The following HDAC8 variants were observed in gnomAD, a reference collection of about 807,000 sequenced individuals.
HDAC8 encodes the protein histone deacetylase-like 1.
HDAC8 carries 1 observed loss-of-function variant against 32.2 expected under a neutral mutation model. That is an observed-to-expected ratio of 0.03 (90% CI 0.01 to 0.15). The LOEUF (loss-of-function observed/expected upper bound fraction) is 0.15, where lower values mean the gene tolerates loss of function less well. HDAC8 is among the 10% of genes least tolerant of loss of function. The pLI is 1.00. For missense variants in HDAC8, 117 were observed against 300.0 expected (o/e 0.39, Z 4.51); for synonymous variants, 108 against 113.9 (o/e 0.95, Z 0.33).
chrX:72,376,009 T>C (rs1555957936), intron 9 of HDAC8, among the ~76,000 whole-genome samples: 1 of 112,268 alleles, frequency 8.9e-6, no homozygotes, highest in Non-Finnish European at 1.9e-5. Flanking sequence ...TGTGTCTTTC[T>C]AGGAATATTT....
intron 4 of HDAC8, among the ~76,000 whole-genome samples, chrX:72,532,754 C>T (rs12007945): frequency 0.1 from 11,464 of 110,651 alleles, 1,406 homozygotes; most frequent in African/African-American, 0.35. Context: ...GAGTTCTATA[C>T]ACATATATTC....
intron 4 of HDAC8, among the ~76,000 whole-genome samples, chrX:72,501,887 A>G (rs782808529): frequency 1.3e-4 from 15 of 112,535 alleles, no homozygotes; most frequent in Non-Finnish European, 2.1e-4. Context: ...CAAAGGTCTA[A>G]TATCCAGCAT....
chrX:72,480,449 C>T (rs782714897), intron 7 of HDAC8: 7 of 327,671 alleles, frequency 2.1e-5, no homozygotes, highest in Non-Finnish European at 3.5e-5. Flanking sequence ...AATGCTTTTA[C>T]ACTGTTGGTG....
intron 9 of HDAC8, among the ~76,000 whole-genome samples, chrX:72,361,022 G>A (rs1244826903): frequency 2.7e-5 from 3 of 111,636 alleles, no homozygotes; most frequent in Admixed American, 1.9e-4. Context: ...CAACCAAAAG[G>A]TCAGGGAGAT....
rs782770400 is a variant in HDAC8, at chrX:72,447,750, CA to C, written c.1005+14253del. Among the ~76,000 whole-genome samples, 4 of 112,218 alleles carry C rather than the reference CA, an allele frequency of 3.6e-5. No homozygotes were observed. The East Asian group carries it at 1.1e-3, about 31-fold the overall frequency. On this transcript the variant is annotated intron_variant, in intron 9 of 10. Transcript: ENST00000373573. ...GCAACTTCAGCAAAGTCTCAGGATA[CA>C]AAATCAATGTGCAAAATTCACAAGC...
intron 7 of HDAC8, among the ~76,000 whole-genome samples, chrX:72,470,665 C>A (rs1044641953): frequency 1.8e-5 from 2 of 111,211 alleles, no homozygotes; most frequent in African/African-American, 3.3e-5. Flanking sequence ...TCTTACTGCT[C>A]TCCTGAAATT....
intron 9 of HDAC8, among the ~76,000 whole-genome samples, chrX:72,432,242 G>A (rs2046839705): frequency 1.8e-5 from 2 of 110,812 alleles, no homozygotes; most frequent in African/African-American, 6.6e-5. Context: ...CCAAAGTGTT[G>A]GGATTACAGG....
chrX:72,329,546 A>G lies in HDAC8; in HGVS notation c.*508T>C, dbSNP rs781790808. The G allele has an allele frequency of 2.5e-4, 169 of 688,871 alleles. No homozygotes were observed. Among genetic ancestry groups the G allele is most frequent in the Middle Eastern group, 1.8e-3 (6 of 3,250 alleles). 56.8% of individuals were successfully genotyped at this position (688,871 alleles called of 1,213,427 possible). The stretch of plus-strand genomic sequence containing the variant: ...TTTCAAAGATTTTATTAAAAAAACC[A>G]AAGATATATAACACTAAAACAACAC... On this transcript the variant is annotated 3_prime_UTR_variant, in exon 11 of 11. Transcript: ENST00000373573.
At position 72,374,374 on chromosome X, in the gene HDAC8, T is replaced by C. The variant is rs2044985963; in HGVS notation, c.1006-22536A>G. On this transcript the variant is annotated intron_variant, in intron 9 of 10. Coordinates refer to ENST00000373573, the MANE Select transcript of HDAC8 (RefSeq NM_018486.3). ...CCTGCTAGGTGAGTACTAAGGGTTT[T>C]AAAAATGTATTCTGAGCCTGGGTGC... Among the ~76,000 whole-genome samples the C allele has an allele frequency of 9.9e-5, 11 of 111,308 alleles. No individual in the cohort carries two copies. In the Admixed American group the frequency reaches 1.0e-3, roughly 11 times the overall value.
chrX:72,464,708 G>A lies in HDAC8; in HGVS notation c.761C>T (p.Ala254Val). The change falls in exon 8 of 11, where the codon GCC (alanine) becomes GTC (valine). Residue 254 changes from alanine to valine, a missense_variant. Ala to Val is a moderately conservative substitution (Grantham distance 64, BLOSUM62 0). This residue lies in a region of HDAC8 where 57 missense variants were observed against 182.0 expected (regional missense o/e 0.31). Coordinates refer to ENST00000373573, the MANE Select transcript of HDAC8 (RefSeq NM_018486.3). ...TAAGACCACTGCTTTGGGATTAAAGGCTTGGTATACTTCCTTTAGTACACT... is the reference window on the plus strand; with the variant it reads ...TAAGACCACTGCTTTGGGATTAAAGACTTGGTATACTTCCTTTAGTACACT... The part of the protein sequence containing the change: ...CESVLKEVYQ[A>V]FNPKAVVLQL... The A allele has an allele frequency of 8.3e-7, 1 of 1,203,320 alleles. No homozygotes were observed. Among genetic ancestry groups the A allele is most frequent in the Non-Finnish European group, 1.1e-6 (1 of 887,943 alleles).
At chrX:72,407,866 T>C (rs2147890687) in intron 9 of HDAC8, among the ~76,000 whole-genome samples, 1 of 112,495 alleles carries the variant, frequency 8.9e-6, no homozygotes, top group African/African-American at 3.2e-5. Flanking sequence ...AAGACTCTTT[T>C]AATATATCAG....
At chrX:72,560,419 C>T (rs782473989) in intron 4 of HDAC8, among the ~76,000 whole-genome samples, 26 of 108,916 alleles carry the variant, frequency 2.4e-4, no homozygotes, top group African/African-American at 8.7e-4. Context: ...GGGACACAAA[C>T]ACTGTGGAAG....
At chrX:72,516,128 A>G (rs1281420286) in intron 4 of HDAC8, among the ~76,000 whole-genome samples, 1 of 112,220 alleles carries the variant, frequency 8.9e-6, no homozygotes, top group Non-Finnish European at 1.9e-5. Flanking sequence ...GATGTAAACT[A>G]TCTTTTAGTC....
chrX:72,382,937 A>T (rs1289297919), intron 9 of HDAC8, among the ~76,000 whole-genome samples: 1 of 111,790 alleles, frequency 8.9e-6, no homozygotes, highest in Non-Finnish European at 1.9e-5. Context: ...TTATTAGATG[A>T]TTTTTCCCTC....
intron 4 of HDAC8, among the ~76,000 whole-genome samples, chrX:72,552,775 T>C (rs1316712252): frequency 9.8e-6 from 1 of 101,697 alleles, no homozygotes. Flanking sequence ...AACTCTTGTC[T>C]TAGAAAAAAA....
chrX:72,459,627 A>C (rs1412735330), intron 9 of HDAC8, among the ~76,000 whole-genome samples: 1 of 110,186 alleles, frequency 9.1e-6, no homozygotes, highest in Non-Finnish European at 1.9e-5. Flanking sequence ...CTCCACAGTC[A>C]CTCTTCCTAC....
chrX:72,340,190 T>C (rs2043849473), intron 10 of HDAC8, among the ~76,000 whole-genome samples: 1 of 111,843 alleles, frequency 8.9e-6, no homozygotes, highest in African/African-American at 3.3e-5. Context: ...TGTGGAAGGA[T>C]GGGCGCAAGT....
intron 4 of HDAC8, among the ~76,000 whole-genome samples, chrX:72,542,049 T>C (rs997773377): frequency 5.4e-5 from 6 of 112,061 alleles, no homozygotes; most frequent in Non-Finnish European, 1.1e-4. Flanking sequence ...TTTTGACATA[T>C]CCCTTCTCTT....
At chrX:72,496,249 T>C (rs1556012996) in intron 4 of HDAC8, among the ~76,000 whole-genome samples, 1 of 111,041 alleles carries the variant, frequency 9.0e-6, no homozygotes, top group Non-Finnish European at 1.9e-5. Context: ...GCCTTCACAA[T>C]GCATAAACTT....
Sources: allele counts gnomAD v4.1 joint callset (sites outside exome capture counted in the v4.1 genomes callset), GRCh38; gene constraint gnomAD v4.1.1; regional missense constraint gnomAD v4.1.1; transcripts MANE v1.5; gene names NCBI Gene and HGNC (gene_info 2026-07-23, HGNC 2026-07-21).